COPG1: variants seen among roughly 807,000 people sequenced by gnomAD.
The protein encoded by COPG1 is coat protein complex I subunit gamma 1.
Under a neutral mutation model 102.8 loss-of-function variants are expected in COPG1, and 29 were observed. The observed-to-expected ratio is 0.28, with a 90% CI of 0.21 to 0.38. COPG1 has a LOEUF of 0.38. Ranked by LOEUF, COPG1 falls within the 10% of genes least tolerant of loss-of-function variation. The pLI is 1.00. For missense variants in COPG1, 875 were observed against 1,132.7 expected, an observed-to-expected ratio of 0.77 and a Z score of 3.27; for synonymous variants, 406 against 421.6, an observed-to-expected ratio of 0.96 and a Z score of 0.45.
intron 21 of COPG1, among the ~76,000 whole-genome samples, chr3:129,273,255 C>T (rs1940214254): frequency 1.3e-5 from 2 of 152,194 alleles, no homozygotes; most frequent in Admixed American, 1.3e-4. Flanking sequence ...ATCTCCTCAC[C>T]TCAGGTGATC....
rs770790499 is a variant in COPG1, at chr3:129,256,139, TAAC to T, written c.566_568del (p.Asn189del). 6 of 1,613,622 alleles carry T rather than the reference TAAC, an allele frequency of 3.7e-6. No individual in the cohort carries two copies. Among genetic ancestry groups the T allele is most frequent in the Non-Finnish European group, 5.1e-6 (6 of 1,179,752 alleles). On this transcript the variant is annotated inframe_deletion, in exon 8 of 24. Transcript: ENST00000314797. ...AGGCTCAGGAGGCAGCATCCAGTGATAACATCATGGTCCAGGTGAGATGTGAGC... is the reference window on the plus strand; with the variant it reads ...AGGCTCAGGAGGCAGCATCCAGTGATATCATGGTCCAGGTGAGATGTGAGC...
Position 129,271,977 on chromosome 3 carries a change from C to CT in COPG1, c.1986+69dup. The CT allele has an allele frequency of 2.6e-6, 4 of 1,557,358 alleles. No individual in the cohort carries two copies. The South Asian group carries it at 4.7e-5, about 18-fold the overall frequency. ...GGAGTTGTCCCAGGTCTGGCAGGTC[C>CT]TGTAGGGTCATGGGTCCCCACACTG... is the stretch of plus-strand genomic sequence containing the variant. On this transcript the variant is annotated intron_variant, in intron 19 of 23. Transcript: ENST00000314797. The surrounding 1 kb of genome is among the most constrained non-coding windows in gnomAD (Gnocchi z 4.7).
At position 129,257,751 on chromosome 3, in the gene COPG1, C is replaced by T. The variant is rs761026368; in HGVS notation, c.762C>T (p.Phe254=). ...DGSRDSPLFD[F]IESCLRNKHE... The stretch of plus-strand genomic sequence containing the variant: ...GCCGTGACAGCCCACTGTTTGACTT[C>T]ATCGAGAGCTGCTTGCGCAACAAGC... Residue 254 remains phenylalanine, a synonymous_variant, in exon 10 of 24, where the codon TTC becomes TTT. Transcript: ENST00000314797. The T allele has an allele frequency of 3.7e-6, 6 of 1,614,178 alleles. No homozygotes were observed. The South Asian group carries it at 5.5e-5, about 15-fold the overall frequency.
Position 129,275,357 on chromosome 3 carries a change from G to C in COPG1, c.2494+65G>C. 1 of 1,235,772 alleles carries C rather than the reference G, an allele frequency of 8.1e-7. No individual in the cohort carries two copies. The highest frequency in any genetic ancestry group is 1.2e-6 in the Non-Finnish European group (1 of 843,136). The allele number at this position is 1,235,772 out of a possible 1,614,324, so 76.6% of individuals were successfully genotyped here. A position where few individuals can be genotyped will look rare whatever the true frequency, so the allele number is the denominator to read the frequency against. On this transcript the variant is annotated intron_variant, in intron 23 of 23. Transcript: ENST00000314797. This position sits in a 1 kb window ranked among gnomAD's most constrained non-coding sequence, Gnocchi z 5.0. ...ACAGCCTGGATGCCACTGGATCCTGGGCTAAGGACTCCACTGTAAATATGG... is the reference window on the plus strand; with the variant it reads ...ACAGCCTGGATGCCACTGGATCCTGCGCTAAGGACTCCACTGTAAATATGG...
At chr3:129,272,573 TA>T (rs529306090) in intron 20 of COPG1, among the ~76,000 whole-genome samples, 158 bp downstream of exon 20, 5 of 151,734 alleles carry the variant, frequency 3.3e-5, no homozygotes, top group African/African-American at 7.3e-5. Flanking sequence ...TGCTCTTCTT[TA>T]AAAATTTTTT....
chr3:129,255,143 C>T (rs1231855468), intron 7 of COPG1, 66 bp downstream of exon 7: 9 of 983,886 alleles, frequency 9.1e-6, no homozygotes, highest in Non-Finnish European at 1.4e-5. Flanking sequence ...TTAAGAGTCA[C>T]ATTCCAGTAG....
chr3:129,263,805 C>T (rs1024062844), intron 12 of COPG1, 99 bp from the exon 13 acceptor site: 16 of 981,304 alleles, frequency 1.6e-5, no homozygotes, highest in Non-Finnish European at 2.4e-5. Flanking sequence ...TGCCCAAGGC[C>T]TGGCCTTACC....
intron 23 of COPG1, among the ~76,000 whole-genome samples, chr3:129,276,169 T>C (rs1335774312): frequency 1.3e-5 from 2 of 152,276 alleles, no homozygotes; most frequent in South Asian, 2.1e-4. Flanking sequence ...TACCACACTT[T>C]ATGATCTTTT....
intron 15 of COPG1, 165 bp downstream of exon 15, chr3:129,267,264 T>C (rs1281562469): frequency 1.9e-6 from 1 of 533,536 alleles, no homozygotes; most frequent in Non-Finnish European, 3.3e-6. Flanking sequence ...AACAATGCTG[T>C]GCAAATTGCA....
rs748140089 is a variant in COPG1 at position 129,260,738 on chromosome 3, C to T, written c.1059C>T (p.Ser353=). ...LAITTLLKTG[S]ESSIDRLMKQ... ...TCACCACCCTCCTTAAGACGGGCAG[C>T]GAGAGCAGCATCGACCGCCTCATGA... Residue 353 remains serine, a synonymous_variant, in exon 12 of 24, where the codon AGC becomes AGT. Coordinates refer to ENST00000314797, the MANE Select transcript of COPG1 (RefSeq NM_016128.4). 1.1e-5 allele frequency: 17 copies of T among 1,613,214 alleles called. No individual in the cohort carries two copies. Among genetic ancestry groups the T allele is most frequent in the African/African-American group, 1.3e-5 (1 of 74,882 alleles).
At chr3:129,273,943 C>T (rs1173985615) in intron 21 of COPG1, 1 of 445,380 alleles carries the variant, frequency 2.2e-6, no homozygotes, top group African/African-American at 2.0e-5. Flanking sequence ...GGCAGTGGCT[C>T]AGGGCCATCT....
intron 1 of COPG1, 100 bp downstream of exon 1, chr3:129,249,846 G>C (rs1939655169): frequency 7.7e-7 from 1 of 1,299,132 alleles, no homozygotes; most frequent in Non-Finnish European, 1.1e-6. Context: ...GCCCAGTGAG[G>C]GGCAGGGGCT....
chr3:129,272,732 G>A, intron 20 of COPG1, 75 bp from the exon 21 acceptor site: 1 of 904,286 alleles, frequency 1.1e-6, no homozygotes, highest in South Asian at 1.4e-5. Context: ...ACCCCTGCCT[G>A]CTTGTCCCCT....
chr3:129,266,246 C>T (rs958839329), intron 14 of COPG1, among the ~76,000 whole-genome samples: 24 of 152,172 alleles, frequency 1.6e-4, no homozygotes, highest in African/African-American at 5.3e-4. Flanking sequence ...GCTGGGATTA[C>T]AGGCGTGAGC....
intron 10 of COPG1, 30 bp downstream of exon 10, chr3:129,257,890 C>G (rs1296089884): frequency 3.1e-6 from 5 of 1,606,494 alleles, no homozygotes; most frequent in Non-Finnish European, 4.3e-6. Flanking sequence ...CCCAGCCTCA[C>G]ATGTTTATGC....
In COPG1 at chr3:129,252,620, CA is replaced by C; in HGVS notation, c.172-2del. The C allele has an allele frequency of 6.2e-7, 1 of 1,613,360 alleles. No homozygotes were observed. Among genetic ancestry groups the C allele is most frequent in the Non-Finnish European group, 8.5e-7 (1 of 1,179,290 alleles). The stretch of plus-strand genomic sequence containing the variant: ...GCTGAGACTTCTTTCTTGATTAACA[CA>C]GGGGGAGCACCTGGGGACCACGGAA... On this transcript the variant is annotated splice_acceptor_variant, in intron 3 of 23. Coordinates refer to ENST00000314797, the MANE Select transcript of COPG1 (RefSeq NM_016128.4). LOFTEE classifies it high-confidence loss of function.
intron 18 of COPG1, among the ~76,000 whole-genome samples, chr3:129,270,009 A>G (rs1334082512): frequency 1.4e-5 from 2 of 144,200 alleles, no homozygotes; most frequent in Non-Finnish European, 3.1e-5. Context: ...TCTAGGGCAG[A>G]AGGTCAGAGT....
chr3:129,266,248 G>T (rs953849796), intron 14 of COPG1, among the ~76,000 whole-genome samples: 4 of 152,128 alleles, frequency 2.6e-5, no homozygotes, highest in African/African-American at 9.7e-5. Context: ...TGGGATTACA[G>T]GCGTGAGCCA....
intron 17 of COPG1, 69 bp from the exon 18 acceptor site, chr3:129,268,863 C>G (rs1455644500): frequency 2.4e-5 from 34 of 1,411,408 alleles, no homozygotes; most frequent in Non-Finnish European, 3.0e-5. Context: ...AGTAATAGCA[C>G]TGGGGTCACC....
Sources: allele counts gnomAD v4.1 joint callset (sites outside exome capture counted in the v4.1 genomes callset), GRCh38; gene constraint gnomAD v4.1.1; non-coding constraint Gnocchi (gnomAD v3.1); transcripts MANE v1.5; gene names NCBI Gene and HGNC (gene_info 2026-07-23, HGNC 2026-07-21).